Variants in PSEN1 observed in about 807,000 individuals in gnomAD.
PSEN1 encodes the protein presenilin-1.
PSEN1 carries 15 observed loss-of-function variants against 53.5 expected under a neutral mutation model. That is an observed-to-expected ratio of 0.28 (90% confidence interval 0.19 to 0.43). The LOEUF is 0.43. PSEN1 is among the 20% of genes least tolerant of loss of function. The pLI, the probability that PSEN1 is intolerant of heterozygous loss-of-function variation, is 1.00. For synonymous variants in PSEN1, 208 were observed against 209.8 expected (o/e 0.99, Z 0.08); for missense variants, 387 against 571.2 (o/e 0.68, Z 3.29).
rs1462454654 is a variant in PSEN1 at position 73,158,290 on chromosome 14, A to ATCTATCTG, written c.87+10191_87+10192insGTCTATCT. ...GTATATTTAACTTTTTTTTCTATCT[A>ATCTATCTG]TCTATCTATCTATCTATCTATCTAT... is the stretch of plus-strand genomic sequence containing the variant. On this transcript the variant is annotated intron_variant, in intron 3 of 11. Transcript: ENST00000324501. Among the ~76,000 whole-genome samples, 381 of 134,548 alleles carry ATCTATCTG rather than the reference A, an allele frequency of 2.8e-3. 2 individuals carry two copies. Among genetic ancestry groups the ATCTATCTG allele is most frequent in the African/African-American group, 0.01 (360 of 35,906 alleles). 88.3% of individuals were successfully genotyped at this position (134,548 alleles called of 152,430 possible).
chr14:73,175,573 G>A (rs1383089472), intron 5 of PSEN1, among the ~76,000 whole-genome samples: 1 of 151,902 alleles, frequency 6.6e-6, no homozygotes, highest in Non-Finnish European at 1.5e-5. Flanking sequence ...GTTAAAATGT[G>A]TAATCAATAT....
At chr14:73,165,735 T>G (rs1594989497) in intron 3 of PSEN1, among the ~76,000 whole-genome samples, 7 of 115,608 alleles carry the variant, frequency 6.1e-5, no homozygotes, top group East Asian at 2.5e-4. Flanking sequence ...GCAACAAGAG[T>G]GAAACTCCGT....
intron 6 of PSEN1, chr14:73,189,810 G>T (rs1006916172): frequency 1.6e-5 from 4 of 254,930 alleles, no homozygotes; most frequent in Admixed American, 1.3e-4. Flanking sequence ...CCCTTAAGCT[G>T]AGCAGTGTGG....
In PSEN1 at chr14:73,198,060, C is replaced by A. The variant is rs63751229; in HGVS notation, c.799C>A (p.Pro267Thr). 6.2e-7 allele frequency: 1 copy of A among 1,611,762 alleles called. No individual in the cohort carries two copies. The highest frequency in any genetic ancestry group is 8.5e-7 in the Non-Finnish European group (1 of 1,178,086). Reference protein sequence around the residue: ...DLVAVLCPKGPLRMLVETAQE... With the variant: ...DLVAVLCPKGTLRMLVETAQE... ...AGTGGCTGTTTTGTGTCCGAAAGGT[C>A]CACTTCGTATGCTGGTTGAAACAGC... The change falls in exon 8 of 12, where the codon CCA becomes ACA. Residue 267 changes from proline to threonine, a missense_variant. Coordinates refer to ENST00000324501, the MANE Select transcript of PSEN1 (RefSeq NM_000021.4).
rs1900053075 is a variant in PSEN1 at position 73,219,253 on chromosome 14, T to G, written c.1368T>G (p.Phe456Leu). 1.9e-6 allele frequency: 3 copies of G among 1,613,856 alleles called. No homozygotes were observed. The highest frequency in any genetic ancestry group is 2.7e-5 in the African/African-American group (2 of 75,058). Residue 456 changes from phenylalanine (F) to leucine (L), a missense_variant, in exon 12 of 12, where the codon TTT (phenylalanine) becomes TTG (leucine). Phe to Leu is a conservative substitution (Grantham distance 22, BLOSUM62 0). Around this residue, in one of 4 missense-constraint regions of PSEN1, gnomAD observed 44 missense variants for 106.3 expected, o/e 0.41. Transcript: ENST00000324501. ...CCACAGATTATCTTGTACAGCCTTT[T>G]ATGGACCAATTAGCATTCCATCAAT... ...YFATDYLVQPFMDQLAFHQFY... is the reference protein window; with the variant it reads ...YFATDYLVQPLMDQLAFHQFY...
At chr14:73,141,082 A>T (rs1311560626) in intron 1 of PSEN1, among the ~76,000 whole-genome samples, 1 of 152,250 alleles carries the variant, frequency 6.6e-6, no homozygotes, top group East Asian at 1.9e-4. Flanking sequence ...GTTATGCCAC[A>T]TCTGCTAAGA....
intron 7 of PSEN1, among the ~76,000 whole-genome samples, chr14:73,196,818 T>C (rs1898965531): frequency 6.6e-6 from 1 of 152,110 alleles, no homozygotes; most frequent in Non-Finnish European, 1.5e-5. Context: ...GTGACAATAA[T>C]GTGAATACAA....
intron 5 of PSEN1, among the ~76,000 whole-genome samples, chr14:73,186,632 C>T (rs1457349596): frequency 2.0e-5 from 3 of 152,064 alleles, no homozygotes; most frequent in Admixed American, 2.0e-4. Context: ...CAAAAATTAG[C>T]CTAGCGTGGT....
chr14:73,221,317 A>G lies in PSEN1; in HGVS notation c.*2028A>G, dbSNP rs1231562881. On this transcript the variant is annotated 3_prime_UTR_variant, in exon 12 of 12. Coordinates refer to ENST00000324501, the MANE Select transcript of PSEN1 (RefSeq NM_000021.4). ...ATTATCATTGAGAAAGCACAGCTAC[A>G]GCAAAGCCACCTGAATAGCAATTTG... 6.6e-6 allele frequency: 1 copy of G among 152,240 alleles called. No individual in the cohort carries two copies. The highest frequency in any genetic ancestry group is 6.5e-5 in the Admixed American group (1 of 15,282). The allele number at this position is 152,240 out of a possible 1,614,324, so 9.4% of individuals were successfully genotyped here.
rs559343267 is a variant in PSEN1 at position 73,223,363 on chromosome 14, G to A, written c.*4074G>A. 6.6e-6 allele frequency: 1 copy of A among 152,374 alleles called. No individual in the cohort carries two copies. Among genetic ancestry groups the A allele is most frequent in the East Asian group, 1.9e-4 (1 of 5,184 alleles). 9.4% of individuals were successfully genotyped at this position (152,374 alleles called of 1,614,324 possible). A position where few individuals can be genotyped will look rare whatever the true frequency, so the allele number is the denominator to read the frequency against. On this transcript the variant is annotated 3_prime_UTR_variant, in exon 12 of 12. Transcript: ENST00000324501. ...AGTTGGTCTGTGTGTCTGTGTAGCAGGGACGATTTCCCAGAAAGCAATTTT... is the reference window on the plus strand; with the variant it reads ...AGTTGGTCTGTGTGTCTGTGTAGCAAGGACGATTTCCCAGAAAGCAATTTT...
intron 11 of PSEN1, among the ~76,000 whole-genome samples, chr14:73,218,316 A>C (rs1189006245): frequency 1.3e-5 from 2 of 151,686 alleles, no homozygotes; most frequent in Non-Finnish European, 2.9e-5. Flanking sequence ...CAAACTTCTG[A>C]CCTCAACTGA....
intron 1 of PSEN1, among the ~76,000 whole-genome samples, chr14:73,144,584 C>T (rs996799273): frequency 6.6e-6 from 1 of 152,152 alleles, no homozygotes; most frequent in Admixed American, 6.5e-5. Flanking sequence ...TCTGTGAATT[C>T]CAACTCCTCA....
intron 3 of PSEN1, among the ~76,000 whole-genome samples, chr14:73,149,321 GTT>G (rs562425953): frequency 1.4e-5 from 2 of 144,888 alleles, no homozygotes; most frequent in Non-Finnish European, 3.1e-5. Context: ...GAGGTTCTGT[GTT>G]TTTTTTTTTT....
intron 5 of PSEN1, among the ~76,000 whole-genome samples, chr14:73,177,262 G>T (rs1355684495): frequency 5.9e-5 from 9 of 152,050 alleles, no homozygotes; most frequent in Non-Finnish European, 1.2e-4. Context: ...AGGGCCCATG[G>T]TTGGTTTGTT....
intron 5 of PSEN1, among the ~76,000 whole-genome samples, chr14:73,176,247 A>G (rs1898044309): frequency 6.6e-6 from 1 of 152,236 alleles, no homozygotes; most frequent in Admixed American, 6.5e-5. Flanking sequence ...GCTGGGAAGC[A>G]TTCACCTCCC....
chr14:73,209,853 CAGTG>C (rs1384996846), intron 9 of PSEN1, among the ~76,000 whole-genome samples: 1 of 152,156 alleles, frequency 6.6e-6, no homozygotes, highest in Non-Finnish European at 1.5e-5. Context: ...CAGGCTTCCT[CAGTG>C]AGAATGCTGC....
rs185073123 is a variant in PSEN1, at chr14:73,137,904, C to T, written c.-136+1321C>T. On this transcript the variant is annotated intron_variant, in intron 1 of 11. Transcript: ENST00000324501. ...GAGACCAGACAACACGGCGAAACCC[C>T]GGCTCTACAAAAAATTAGCTGGGCG... is the stretch of plus-strand genomic sequence containing the variant. Among the ~76,000 whole-genome samples, 780 of 151,998 alleles carry T rather than the reference C, an allele frequency of 5.1e-3. 4 individuals carry two copies. The highest frequency in any genetic ancestry group is 0.018 in the African/African-American group (760 of 41,464).
chr14:73,201,732 G>T (rs1432281079), intron 8 of PSEN1, among the ~76,000 whole-genome samples: 1 of 152,054 alleles, frequency 6.6e-6, no homozygotes, highest in East Asian at 1.9e-4. Context: ...GGAGAGGGAA[G>T]GTTCCATTTT....
intron 3 of PSEN1, 114 bp from the exon 4 acceptor site, chr14:73,170,682 TG>T: frequency 8.9e-7 from 1 of 1,122,358 alleles, no homozygotes; most frequent in African/African-American, 1.5e-5. Flanking sequence ...TGTTTTTTCT[TG>T]CTTCAGGTTT....
Sources: allele counts gnomAD v4.1 joint callset (sites outside exome capture counted in the v4.1 genomes callset), GRCh38; gene constraint gnomAD v4.1.1; regional missense constraint gnomAD v4.1.1; transcripts MANE v1.5; gene names NCBI Gene and HGNC (gene_info 2026-07-23, HGNC 2026-07-21).